The following INTS7 variants were observed in gnomAD, a reference collection of about 807,000 sequenced individuals.
INTS7 encodes integrator complex subunit 7, also known as chromosome 1 open reading frame 73.
Under a neutral mutation model 109.2 loss-of-function variants are expected in INTS7, and 46 were observed. That is an observed-to-expected ratio of 0.42 (90% CI 0.33 to 0.54). The LOEUF (loss-of-function observed/expected upper bound fraction) is 0.54. INTS7 is among the 20% of genes least tolerant of loss of function. The pLI, the probability that INTS7 is intolerant of heterozygous loss-of-function variation, is 0.07. For missense variants in INTS7, 929 were observed against 1,132.4 expected, an observed-to-expected ratio of 0.82 and a Z score of 2.58; for synonymous variants, 412 against 402.9, an observed-to-expected ratio of 1.02 and a Z score of -0.27.
Position 212,016,569 on chromosome 1 carries a change from A to AT in INTS7, c.509+316dup, listed in dbSNP as rs1481772693. Among the ~76,000 whole-genome samples, 10 of 152,340 alleles carry AT rather than the reference A, an allele frequency of 6.6e-5. No individual in the cohort carries two copies. In the East Asian group the frequency reaches 1.9e-3, roughly 29 times the overall value. Reference sequence around the variant, plus strand: ...GTAAGCAATTTAGTATTACAGATCTATATGTCTGGGAGAAGCTCCTCAGTC... The same window carrying AT: ...GTAAGCAATTTAGTATTACAGATCTATTATGTCTGGGAGAAGCTCCTCAGTC... On this transcript the variant is annotated intron_variant, in intron 4 of 19. Transcript: ENST00000366994.
chr1:212,011,928 A>T (rs1666182816), intron 4 of INTS7, among the ~76,000 whole-genome samples: 1 of 152,264 alleles, frequency 6.6e-6, no homozygotes, highest in African/African-American at 2.4e-5. Context: ...TAATATTTTT[A>T]AAATTCTTTT....
intron 7 of INTS7, among the ~76,000 whole-genome samples, chr1:212,004,980 T>C (rs1214598108): frequency 6.6e-6 from 1 of 152,170 alleles, no homozygotes; most frequent in African/African-American, 2.4e-5. Flanking sequence ...CAGTTTGACA[T>C]CATCTGTTAA....
chr1:211,988,104 T>C (rs1664975138), intron 7 of INTS7, 101 bp from the exon 8 acceptor site: 2 of 583,934 alleles, frequency 3.4e-6, no homozygotes, highest in Admixed American at 3.6e-5. Context: ...AAATTATATA[T>C]TAAGGACTTT....
At chr1:212,018,745 GTATA>G (rs1666558375) in intron 3 of INTS7, among the ~76,000 whole-genome samples, 1 of 151,994 alleles carries the variant, frequency 6.6e-6, no homozygotes, top group Admixed American at 6.6e-5. Flanking sequence ...TTCTATGTCA[GTATA>G]TATAGACTCA....
At chr1:211,977,756 T>C (rs1664482213) in intron 11 of INTS7, among the ~76,000 whole-genome samples, 2 of 152,208 alleles carry the variant, frequency 1.3e-5, no homozygotes, top group South Asian at 2.1e-4. Context: ...TTTCTAAGCA[T>C]GTACCTTTCC....
chr1:211,970,592 CTT>C (rs1228109146), intron 13 of INTS7, among the ~76,000 whole-genome samples: 2 of 152,082 alleles, frequency 1.3e-5, no homozygotes, highest in African/African-American at 4.8e-5. Flanking sequence ...ATAAAGTACT[CTT>C]ATAAACCAGT....
chr1:212,035,168 A>C (rs980779064), intron 1 of INTS7, among the ~76,000 whole-genome samples, 176 bp downstream of exon 1: 3 of 152,060 alleles, frequency 2.0e-5, no homozygotes, highest in African/African-American at 4.8e-5. Context: ...AATCCTGCAA[A>C]TTTCCCGCAA....
In INTS7 at chr1:211,940,444, A is replaced by G. The variant is rs1031791234; in HGVS notation, c.*1380T>C. 1 of 152,234 alleles carries G rather than the reference A, an allele frequency of 6.6e-6. No individual in the cohort carries two copies. The highest frequency in any genetic ancestry group is 2.1e-4 in the South Asian group (1 of 4,830). 9.4% of individuals were successfully genotyped at this position (152,234 alleles called of 1,614,324 possible). A position where few individuals can be genotyped will look rare whatever the true frequency, so the allele number is the denominator to read the frequency against. On this transcript the variant is annotated 3_prime_UTR_variant, in exon 20 of 20. Transcript: ENST00000366994. ...TTTATTTAAAAAGGAAATTCCAGGGAAAGTACCCTGCTTTACCTTAGGAGC... is the reference window on the plus strand; with the variant it reads ...TTTATTTAAAAAGGAAATTCCAGGGGAAGTACCCTGCTTTACCTTAGGAGC...
intron 8 of INTS7, among the ~76,000 whole-genome samples, chr1:211,987,389 T>A (rs2102437036): frequency 1.3e-5 from 2 of 152,230 alleles, no homozygotes; most frequent in East Asian, 3.9e-4. Context: ...TTACCGGGCA[T>A]TAATGAAAGC....
intron 7 of INTS7, among the ~76,000 whole-genome samples, chr1:211,992,327 A>G (rs1383819510): frequency 6.6e-6 from 1 of 152,146 alleles, no homozygotes; most frequent in Non-Finnish European, 1.5e-5. Flanking sequence ...ATATAAAATG[A>G]TAATATTAAT....
chr1:211,982,590 A>T lies in INTS7; in HGVS notation c.1132+86T>A, dbSNP rs565849947. 49 of 1,077,972 alleles carry T rather than the reference A, an allele frequency of 4.5e-5. No homozygotes were observed. The African/African-American group carries it at 7.1e-4, about 16-fold the overall frequency. The allele number at this position is 1,077,972 out of a possible 1,614,324, so 66.8% of individuals were successfully genotyped here. On this transcript the variant is annotated intron_variant, in intron 9 of 19. Coordinates refer to ENST00000366994, the MANE Select transcript of INTS7 (RefSeq NM_015434.4). Reference sequence around the variant, plus strand: ...GTAGATCAAGGCACACAGGCTAAAAATAAGGGATTAAAAAAAAATCAAACA... The same window carrying T: ...GTAGATCAAGGCACACAGGCTAAAATTAAGGGATTAAAAAAAAATCAAACA...
At chr1:211,992,475 T>C (rs1665187141) in intron 7 of INTS7, among the ~76,000 whole-genome samples, 1 of 152,126 alleles carries the variant, frequency 6.6e-6, no homozygotes, top group South Asian at 2.1e-4. Context: ...AGTAAATAAA[T>C]ATTCGTTTAA....
At chr1:212,007,207 T>C in intron 6 of INTS7, 43 bp downstream of exon 6, 1 of 1,316,730 alleles carries the variant, frequency 7.6e-7, no homozygotes, top group Non-Finnish European at 1.1e-6. Context: ...ATTTAATATG[T>C]AAGTTTACCA....
chr1:212,008,078 T>C (rs1666011794), intron 5 of INTS7, among the ~76,000 whole-genome samples: 3 of 152,232 alleles, frequency 2.0e-5, no homozygotes, highest in African/African-American at 4.8e-5. Context: ...ATGTACCACA[T>C]ACATGCCACA....
At chr1:211,994,816 A>G (rs928123327) in intron 7 of INTS7, among the ~76,000 whole-genome samples, 13 of 152,020 alleles carry the variant, frequency 8.6e-5, no homozygotes, top group Middle Eastern at 3.2e-3. Flanking sequence ...ACAAAAATCC[A>G]TAAGAAACAT....
At chr1:211,977,470 C>T (rs535207778) in intron 11 of INTS7, among the ~76,000 whole-genome samples, 2 of 152,306 alleles carry the variant, frequency 1.3e-5, no homozygotes, top group South Asian at 4.1e-4. Flanking sequence ...TATAAAGATC[C>T]ATACATTTGG....
chr1:212,026,604 C>T (rs981770384), intron 1 of INTS7, among the ~76,000 whole-genome samples: 22 of 152,022 alleles, frequency 1.4e-4, no homozygotes, highest in African/African-American at 5.3e-4. Flanking sequence ...ATATGAAAAA[C>T]GGGTCAAGGG....
At chr1:212,015,087 G>C (rs1328626350) in intron 4 of INTS7, among the ~76,000 whole-genome samples, 1 of 141,250 alleles carries the variant, frequency 7.1e-6, no homozygotes, top group African/African-American at 3.1e-5. Context: ...TCCGGGAGGT[G>C]GGGGGCGGCC....
intron 17 of INTS7, 142 bp downstream of exon 17, chr1:211,952,427 T>G (rs1663138361): frequency 5.7e-6 from 4 of 701,798 alleles, no homozygotes; most frequent in Non-Finnish European, 9.4e-6. Context: ...TACAATGCTG[T>G]GAGGTAGGTA....
Sources: allele counts gnomAD v4.1 joint callset (sites outside exome capture counted in the v4.1 genomes callset), GRCh38; gene constraint gnomAD v4.1.1; transcripts MANE v1.5; gene names NCBI Gene and HGNC (gene_info 2026-07-23, HGNC 2026-07-21).